Variants in ANK2 observed in about 807,000 individuals in gnomAD.
ANK2 encodes the protein ankyrin 2.
ANK2 carries 83 observed loss-of-function variants against 360.5 expected under a neutral mutation model. The ratio of observed to expected loss-of-function variants is 0.23; its 90% CI spans 0.19 to 0.28. ANK2 has a LOEUF of 0.28. ANK2 is among the 10% of genes least tolerant of loss of function. The probability of loss-of-function intolerance (pLI) is 1.00; values close to 1 mark genes in which losing one functional copy is unlikely to be tolerated. For missense variants in ANK2, 4,201 were observed against 4,795.7 expected, an observed-to-expected ratio of 0.88 and a Z score of 3.66; for synonymous variants, 1,740 against 1,759.5, an observed-to-expected ratio of 0.99 and a Z score of 0.28.
chr4:112,937,641 T>C (rs2093866140), intron 2 of ANK2, among the ~76,000 whole-genome samples: 1 of 152,220 alleles, frequency 6.6e-6, no homozygotes, highest in African/African-American at 2.4e-5. Flanking sequence ...TTACCTTTTT[T>C]GACTTGGACA....
chr4:113,349,707 C>CT (rs999310727), intron 36 of ANK2, among the ~76,000 whole-genome samples: 2 of 152,072 alleles, frequency 1.3e-5, no homozygotes, highest in Non-Finnish European at 2.9e-5. Flanking sequence ...TCACAAATCA[C>CT]TTTTTTCTCT....
the ANK2 span, among the ~76,000 whole-genome samples, chr4:112,743,097 T>A: frequency 6.6e-6 from 1 of 152,256 alleles, no homozygotes; most frequent in Non-Finnish European, 1.5e-5. Context: ...ATTAGCTCAA[T>A]ACAGTGTGTA....
chr4:113,147,274 C>T (rs1257007754), intron 1 of ANK2, among the ~76,000 whole-genome samples: 1 of 152,180 alleles, frequency 6.6e-6, no homozygotes, highest in Non-Finnish European at 1.5e-5. Flanking sequence ...AACGTTTCTC[C>T]TGGATTATGG....
At chr4:113,088,931 A>G (rs1202584354) in intron 1 of ANK2, among the ~76,000 whole-genome samples, 1 of 152,194 alleles carries the variant, frequency 6.6e-6, no homozygotes, top group Non-Finnish European at 1.5e-5. Context: ...TTTGAGCCGT[A>G]GTTCTGCTCT....
intron 1 of ANK2, among the ~76,000 whole-genome samples, chr4:113,105,237 A>G (rs903651474): frequency 2.6e-5 from 4 of 152,178 alleles, no homozygotes; most frequent in Non-Finnish European, 4.4e-5. Context: ...AAACTTTTTT[A>G]TCTGAACCGA....
the ANK2 span, chr4:112,738,863 C>CAACAAACA: frequency 1.2e-5 from 8 of 655,348 alleles, no homozygotes; most frequent in East Asian, 1.9e-4. Flanking sequence ...GGAGCAACAA[C>CAACAAACA]AACAAACAAA....
intron 3 of ANK2, among the ~76,000 whole-genome samples, chr4:113,197,068 G>A (rs1433820995): frequency 6.6e-6 from 1 of 152,034 alleles, no homozygotes; most frequent in Non-Finnish European, 1.5e-5. Context: ...GTTTTCCTAC[G>A]GTTAACTCAT....
chr4:113,274,399 C>T (rs924031558), intron 14 of ANK2, 53 bp from the exon 15 acceptor site: 64 of 1,558,650 alleles, frequency 4.1e-5, no homozygotes, highest in Non-Finnish European at 5.2e-5. Flanking sequence ...AAACATATCA[C>T]CAGTGAAGTT....
chr4:113,293,086 T>A, intron 21 of ANK2: 1 of 384,954 alleles, frequency 2.6e-6, no homozygotes, highest in Non-Finnish European at 5.0e-6. Flanking sequence ...TGATGAGGGA[T>A]AAGTGTACCT....
chr4:113,262,048 G>C (rs967971838), intron 13 of ANK2, among the ~76,000 whole-genome samples: 10 of 152,020 alleles, frequency 6.6e-5, no homozygotes, highest in African/African-American at 2.4e-4. Context: ...GTGAAACTTT[G>C]TCTCTACATA....
intron 1 of ANK2, among the ~76,000 whole-genome samples, chr4:112,831,938 A>C (rs1464758660): frequency 6.6e-6 from 1 of 152,090 alleles, no homozygotes. Flanking sequence ...GAAGGAAGAA[A>C]CTCTGGACAC....
At chr4:112,863,794 T>C (rs2069094731) in intron 1 of ANK2, among the ~76,000 whole-genome samples, 1 of 152,116 alleles carries the variant, frequency 6.6e-6, no homozygotes, top group Non-Finnish European at 1.5e-5. Flanking sequence ...AGTGCTGGGA[T>C]TACAGGCGTG....
chr4:113,282,137 C>A (rs569839036), intron 17 of ANK2, among the ~76,000 whole-genome samples: 1 of 152,264 alleles, frequency 6.6e-6, no homozygotes, highest in Admixed American at 6.5e-5. Context: ...CCATTTGATT[C>A]TTTATGTTAT....
chr4:112,783,380 T>C, the ANK2 span, among the ~76,000 whole-genome samples: 1 of 152,204 alleles, frequency 6.6e-6, no homozygotes, highest in South Asian at 2.1e-4. Context: ...CATAAATGCA[T>C]AAACATTGGC....
chr4:112,759,989 A>G, the ANK2 span, among the ~76,000 whole-genome samples: 1 of 152,142 alleles, frequency 6.6e-6, no homozygotes, highest in Non-Finnish European at 1.5e-5. Context: ...CATTTTATAG[A>G]TGTAGAAACT....
chr4:113,336,886 C>T, intron 31 of ANK2, 105 bp downstream of exon 31: 4 of 1,064,680 alleles, frequency 3.8e-6, no homozygotes, highest in Admixed American at 1.9e-5. Context: ...GGGTCATATG[C>T]ATTAATTCAG....
intron 1 of ANK2, among the ~76,000 whole-genome samples, chr4:113,114,180 G>A (rs1271524124): frequency 6.6e-6 from 1 of 152,068 alleles, no homozygotes; most frequent in Non-Finnish European, 1.5e-5. Context: ...GGCTTTTTGA[G>A]TGGGTTCCTT....
intron 31 of ANK2, among the ~76,000 whole-genome samples, chr4:113,338,784 T>C (rs1318741016): frequency 6.6e-6 from 1 of 151,790 alleles, no homozygotes; most frequent in Non-Finnish European, 1.5e-5. Context: ...CTCCTGACCT[T>C]GTGACCCGCC....
chr4:112,789,056 T>TA, the ANK2 span, among the ~76,000 whole-genome samples: 4 of 152,090 alleles, frequency 2.6e-5, no homozygotes. Flanking sequence ...TCCTCCATCT[T>TA]AAAAAAATCA....
Sources: allele counts gnomAD v4.1 joint callset (sites outside exome capture counted in the v4.1 genomes callset), GRCh38; gene constraint gnomAD v4.1.1; transcripts MANE v1.5; gene names NCBI Gene and HGNC (gene_info 2026-07-23, HGNC 2026-07-21).